Variants in NPAS3 observed in about 807,000 individuals in gnomAD.
NPAS3 encodes neuronal PAS domain-containing protein 3.
A neutral mutation model predicts 73.1 loss-of-function variants in NPAS3; 14 were observed. The ratio of observed to expected loss-of-function variants is 0.19; its 90% confidence interval spans 0.13 to 0.30. The LOEUF (loss-of-function observed/expected upper bound fraction) is 0.30, where lower values mean the gene tolerates loss of function less well. NPAS3 is among the 10% of genes least tolerant of loss of function. The pLI is 1.00. For synonymous variants in NPAS3, 620 were observed against 541.5 expected, an observed-to-expected ratio of 1.14 and a Z score of -2.01; for missense variants, 1,096 against 1,250.0, an observed-to-expected ratio of 0.88 and a Z score of 1.86.
chr14:33,455,394 C>T (rs1297286291), intron 4 of NPAS3, among the ~76,000 whole-genome samples: 1 of 152,172 alleles, frequency 6.6e-6, no homozygotes, highest in Non-Finnish European at 1.5e-5. Flanking sequence ...TTTCACTTCT[C>T]AAGGTGGTCT....
chr14:33,712,587 T>C (rs1253658658), intron 6 of NPAS3, among the ~76,000 whole-genome samples: 1 of 152,200 alleles, frequency 6.6e-6, no homozygotes, highest in Non-Finnish European at 1.5e-5. Flanking sequence ...CACTGTTTTT[T>C]AAATCACCAC....
intron 5 of NPAS3, among the ~76,000 whole-genome samples, chr14:33,594,069 A>G (rs1439315861): frequency 2.6e-5 from 4 of 152,182 alleles, no homozygotes; most frequent in Non-Finnish European, 5.9e-5. Context: ...ACCTTCTTAG[A>G]GCTAAAAAAG....
chr14:33,333,652 G>A (rs915140299), intron 3 of NPAS3, among the ~76,000 whole-genome samples: 1 of 152,044 alleles, frequency 6.6e-6, no homozygotes, highest in Non-Finnish European at 1.5e-5. Flanking sequence ...TGCTCATTTG[G>A]GTGGATTGGT....
intron 6 of NPAS3, among the ~76,000 whole-genome samples, chr14:33,706,479 C>T (rs1401390759): frequency 6.6e-6 from 1 of 152,148 alleles, no homozygotes; most frequent in Non-Finnish European, 1.5e-5. Context: ...CATGCCTTCC[C>T]CCATAGATCT....
At chr14:33,051,370 G>T (rs2040706419) in intron 1 of NPAS3, among the ~76,000 whole-genome samples, 1 of 151,422 alleles carries the variant, frequency 6.6e-6, no homozygotes, top group African/African-American at 2.4e-5. Flanking sequence ...CAAAAACTCT[G>T]ATTATAGAGC....
At chr14:33,370,718 G>C (rs1358324956) in intron 4 of NPAS3, among the ~76,000 whole-genome samples, 1 of 152,304 alleles carries the variant, frequency 6.6e-6, no homozygotes, top group East Asian at 1.9e-4. Context: ...TTGCAAGATA[G>C]AGGTGTGTGA....
chr14:33,535,787 T>G (rs1199765929), intron 4 of NPAS3, among the ~76,000 whole-genome samples: 1 of 152,216 alleles, frequency 6.6e-6, no homozygotes, highest in Non-Finnish European at 1.5e-5. Flanking sequence ...ACTTGAACTT[T>G]TATACTTATT....
chr14:33,594,917 G>C (rs914601262), intron 5 of NPAS3, among the ~76,000 whole-genome samples: 2 of 152,120 alleles, frequency 1.3e-5, no homozygotes, highest in Non-Finnish European at 2.9e-5. Flanking sequence ...ATTATAAGGG[G>C]AAAAGAAAAC....
At chr14:33,729,980 G>T (rs2061361714) in intron 6 of NPAS3, among the ~76,000 whole-genome samples, 1 of 152,156 alleles carries the variant, frequency 6.6e-6, no homozygotes, top group Non-Finnish European at 1.5e-5. Flanking sequence ...AGGTTGGGAA[G>T]ATCTTATTAA....
chr14:33,581,364 A>T (rs2056655361), intron 5 of NPAS3, among the ~76,000 whole-genome samples: 1 of 152,214 alleles, frequency 6.6e-6, no homozygotes, highest in South Asian at 2.1e-4. Flanking sequence ...AAAATGTTTT[A>T]ATACATTTTT....
At chr14:33,319,742 C>G (rs1323358286) in intron 3 of NPAS3, among the ~76,000 whole-genome samples, 2 of 152,140 alleles carry the variant, frequency 1.3e-5, no homozygotes, top group Non-Finnish European at 2.9e-5. Context: ...ATGCACAGGA[C>G]AACCTCCCGC....
intron 3 of NPAS3, among the ~76,000 whole-genome samples, chr14:33,321,856 C>T (rs2140239266): frequency 6.6e-6 from 1 of 152,212 alleles, no homozygotes; most frequent in South Asian, 2.1e-4. Context: ...TCTTAAGACA[C>T]AGGCAAAAAT....
At chr14:33,588,188 A>T (rs1260004043) in intron 5 of NPAS3, among the ~76,000 whole-genome samples, 1 of 152,228 alleles carries the variant, frequency 6.6e-6, no homozygotes, top group African/African-American at 2.4e-5. Context: ...TTTGCAAATT[A>T]GAAGTGGAAT....
intron 6 of NPAS3, among the ~76,000 whole-genome samples, chr14:33,706,834 C>G (rs73258905): frequency 2.0e-5 from 3 of 152,250 alleles, no homozygotes; most frequent in African/African-American, 7.2e-5. Context: ...CAGAGCCTCC[C>G]CTGGCTCCGT....
chr14:33,587,024 A>T (rs1449024387), intron 5 of NPAS3, among the ~76,000 whole-genome samples: 1 of 152,196 alleles, frequency 6.6e-6, no homozygotes, highest in East Asian at 1.9e-4. Flanking sequence ...TCTGTAGCTG[A>T]GTGCCTGGTC....
At chr14:33,103,493 G>T (rs1279333) in intron 2 of NPAS3, among the ~76,000 whole-genome samples, 105,833 of 152,120 alleles carry the variant, frequency 0.7, 38,791 homozygotes, top group Middle Eastern at 0.88. Flanking sequence ...GTCCTTGAGG[G>T]TAAAGGTCCT....
At chr14:33,501,050 G>T (rs1010608578) in intron 4 of NPAS3, among the ~76,000 whole-genome samples, 1 of 151,982 alleles carries the variant, frequency 6.6e-6, no homozygotes, top group Non-Finnish European at 1.5e-5. Flanking sequence ...TACATCAAGA[G>T]AAATTATTTT....
chr14:33,041,727 C>T (rs905970650), intron 1 of NPAS3, among the ~76,000 whole-genome samples: 4 of 152,104 alleles, frequency 2.6e-5, no homozygotes, highest in African/African-American at 7.2e-5. Context: ...AGAGATCAGC[C>T]TCAAATCTGT....
chr14:32,940,707 C>A lies in NPAS3; in HGVS notation c.50+1341C>A, dbSNP rs190357663. ...TTATAACATAGTTTTATTTTTGATG[C>A]AACATAATATTTAACCTATAGCTTA... On this transcript the variant is annotated intron_variant, in intron 1 of 11. Transcript: ENST00000356141. Among the ~76,000 whole-genome samples, 4 of 152,262 alleles carry A rather than the reference C, an allele frequency of 2.6e-5. No homozygotes were observed. The East Asian group carries it at 7.7e-4, about 29-fold the overall frequency.
Sources: gnomAD v4.1 joint callset for allele counts (sites outside exome capture counted in the v4.1 genomes callset) on GRCh38, gnomAD v4.1.1 for gene constraint, MANE v1.5 for transcripts, NCBI Gene and HGNC (gene_info 2026-07-23, HGNC 2026-07-21) for gene names.